The following CAMTA1 variants were observed in gnomAD, a reference collection of about 807,000 sequenced individuals.
The protein encoded by CAMTA1 is calmodulin binding transcription activator 1.
In CAMTA1, 27 loss-of-function variants were observed where a neutral mutation model predicts 170.9. That is an observed-to-expected ratio of 0.16 (90% CI 0.12 to 0.22). CAMTA1 has a LOEUF of 0.22. CAMTA1 is among the 10% of genes least tolerant of loss of function. The pLI is 1.00. For synonymous variants in CAMTA1, 833 were observed against 891.5 expected (o/e 0.93, Z 1.17); for missense variants, 1,619 against 2,217.2 (o/e 0.73, Z 5.42).
At chr1:7,059,119 C>T (rs1048405018) in intron 3 of CAMTA1, among the ~76,000 whole-genome samples, 2 of 152,244 alleles carry the variant, frequency 1.3e-5, no homozygotes, top group African/African-American at 4.8e-5. Flanking sequence ...CCCCCAGTGC[C>T]TTCCTTTCCC....
At chr1:7,323,561 T>A (rs559221541) in intron 5 of CAMTA1, among the ~76,000 whole-genome samples, 2 of 132,120 alleles carry the variant, frequency 1.5e-5, no homozygotes, top group Middle Eastern at 4.2e-3. Flanking sequence ...CTCACTCTAC[T>A]ACCCAGGCTG....
chr1:6,870,224 C>T (rs1668006152), intron 3 of CAMTA1, among the ~76,000 whole-genome samples: 1 of 152,024 alleles, frequency 6.6e-6, no homozygotes, highest in African/African-American at 2.4e-5. Context: ...GGTGTTGATT[C>T]CTTCTGCAGT....
In CAMTA1 at chr1:6,913,983, T is replaced by C. The variant is rs1006039448; in HGVS notation, c.234+88773T>C. On this transcript the variant is annotated intron_variant, in intron 3 of 22. Transcript: ENST00000303635. The stretch of plus-strand genomic sequence containing the variant: ...TACAAGGCCAGCTTCTTCACTCATA[T>C]CATCTCGTACTGCTTTTGGGACACT... 7.2e-5 allele frequency among the ~76,000 whole-genome samples: 11 copies of C among 152,122 alleles called. No homozygotes were observed. The South Asian group carries it at 1.7e-3, about 23-fold the overall frequency.
intron 5 of CAMTA1, among the ~76,000 whole-genome samples, chr1:7,406,831 G>A (rs1484923500): frequency 6.6e-6 from 1 of 152,142 alleles, no homozygotes; most frequent in Non-Finnish European, 1.5e-5. Flanking sequence ...AATGGGTAGA[G>A]TTACTCAGGC....
At chr1:7,020,326 A>G (rs1701160722) in intron 3 of CAMTA1, among the ~76,000 whole-genome samples, 2 of 152,224 alleles carry the variant, frequency 1.3e-5, no homozygotes. Flanking sequence ...ACACATACTT[A>G]CCATGTGTAA....
intron 6 of CAMTA1, among the ~76,000 whole-genome samples, chr1:7,604,275 T>G (rs972304603): frequency 2.0e-5 from 3 of 152,258 alleles, no homozygotes; most frequent in African/African-American, 7.2e-5. Flanking sequence ...TCCTGCAGTG[T>G]TTTCCAACTT....
At chr1:7,098,570 C>T (rs542164617) in intron 4 of CAMTA1, among the ~76,000 whole-genome samples, 21 of 152,156 alleles carry the variant, frequency 1.4e-4, no homozygotes, top group Admixed American at 2.6e-4. Context: ...GAGTGTCTGG[C>T]GGTGTCTCGA....
At chr1:7,350,415 T>A (rs145497704) in intron 5 of CAMTA1, among the ~76,000 whole-genome samples, 117 of 152,324 alleles carry the variant, frequency 7.7e-4, no homozygotes, top group African/African-American at 2.7e-3. Flanking sequence ...CAGGTTTGGA[T>A]GAGACCTGGT....
intron 4 of CAMTA1, among the ~76,000 whole-genome samples, chr1:7,225,906 T>C (rs1661616648): frequency 6.6e-6 from 1 of 152,252 alleles, no homozygotes; most frequent in Admixed American, 6.5e-5. Flanking sequence ...AGCGAACCTT[T>C]CCGAGCCACT....
chr1:6,930,916 G>T (rs1684289512), intron 3 of CAMTA1, among the ~76,000 whole-genome samples: 1 of 152,230 alleles, frequency 6.6e-6, no homozygotes, highest in African/African-American at 2.4e-5. Context: ...GCAGGGAGTG[G>T]CCCTTGCTGG....
chr1:7,024,445 G>A (rs182041157), intron 3 of CAMTA1, among the ~76,000 whole-genome samples: 2 of 152,342 alleles, frequency 1.3e-5, no homozygotes, highest in Non-Finnish European at 2.9e-5. Flanking sequence ...CAAGATAGGG[G>A]CTGGCCTGCT....
At chr1:7,760,377 T>C (rs1475513211) in intron 22 of CAMTA1, among the ~76,000 whole-genome samples, 1 of 152,198 alleles carries the variant, frequency 6.6e-6, no homozygotes, top group Non-Finnish European at 1.5e-5. Flanking sequence ...ATGTACACTT[T>C]TATCCAAGGG....
rs755021249 is a variant in CAMTA1, at chr1:7,642,624, G to A, written c.664+2071G>A. 2.6e-5 allele frequency among the ~76,000 whole-genome samples: 4 copies of A among 152,154 alleles called. No individual in the cohort carries two copies. The highest frequency in any genetic ancestry group is 4.4e-5 in the Non-Finnish European group (3 of 68,004). On this transcript the variant is annotated intron_variant, in intron 7 of 22. Coordinates refer to ENST00000303635, the MANE Select transcript of CAMTA1 (RefSeq NM_015215.4). The surrounding 1 kb of genome is among the most constrained non-coding windows in gnomAD (Gnocchi z 6.3). The stretch of plus-strand genomic sequence containing the variant: ...GCCGCAGAGCCTCAGCTGGGCCAGC[G>A]CTATGACTGCTGACCAGGAATGCTG...
intron 1 of CAMTA1, among the ~76,000 whole-genome samples, chr1:6,804,147 G>A (rs943132334): frequency 1.1e-4 from 16 of 151,288 alleles, no homozygotes; most frequent in African/African-American, 3.4e-4. Flanking sequence ...TTGTGCCATC[G>A]CACTCCAGCC....
At chr1:7,366,297 T>C (rs2085960907) in intron 5 of CAMTA1, among the ~76,000 whole-genome samples, 1 of 152,166 alleles carries the variant, frequency 6.6e-6, no homozygotes, top group Non-Finnish European at 1.5e-5. Context: ...GTCCTCCTCA[T>C]TGCCTGCCCT....
rs142976954 is a variant in CAMTA1 at position 7,633,753 on chromosome 1, G to A, written c.511-6647G>A. Among the ~76,000 whole-genome samples, 144 of 152,374 alleles carry A rather than the reference G, an allele frequency of 9.5e-4. No homozygotes were observed. Among genetic ancestry groups the A allele is most frequent in the Middle Eastern group, 3.4e-3 (1 of 294 alleles). On this transcript the variant is annotated intron_variant, in intron 6 of 22. Transcript: ENST00000303635. The surrounding 1 kb of genome is among the most constrained non-coding windows in gnomAD (Gnocchi z 4.1). The stretch of plus-strand genomic sequence containing the variant: ...CCCGCAGACAGAGTCCCAGCCATCC[G>A]GAGCTCACATTGTGGCCAGGAAAAC...
At chr1:6,930,020 C>T (rs559962162) in intron 3 of CAMTA1, among the ~76,000 whole-genome samples, 7 of 152,256 alleles carry the variant, frequency 4.6e-5, no homozygotes, top group African/African-American at 1.2e-4. Context: ...AATGCTGTGG[C>T]GGGACATGGT....
At chr1:7,022,940 A>G (rs1397476608) in intron 3 of CAMTA1, among the ~76,000 whole-genome samples, 2 of 152,174 alleles carry the variant, frequency 1.3e-5, no homozygotes, top group East Asian at 1.9e-4. Flanking sequence ...TTTAGAGTGC[A>G]AGTCGAGTGG....
chr1:7,139,350 A>C (rs1451437340), intron 4 of CAMTA1, among the ~76,000 whole-genome samples: 2 of 145,934 alleles, frequency 1.4e-5, no homozygotes, highest in Non-Finnish European at 3.0e-5. Flanking sequence ...ATGGTATATA[A>C]ATATTTTATA....
Sources: gnomAD v4.1 joint callset for allele counts (sites outside exome capture counted in the v4.1 genomes callset) on GRCh38, gnomAD v4.1.1 for gene constraint, Gnocchi (gnomAD v3.1) non-coding constraint, MANE v1.5 for transcripts, NCBI Gene and HGNC (gene_info 2026-07-23, HGNC 2026-07-21) for gene names.